The following PHF21B variants were observed in gnomAD, a reference collection of about 807,000 sequenced individuals.
The protein encoded by PHF21B is PHD finger protein 21B.
In PHF21B, 22 loss-of-function variants were observed where a neutral mutation model predicts 62.2. The ratio of observed to expected loss-of-function variants is 0.35; its 90% CI spans 0.25 to 0.51. PHF21B has a LOEUF of 0.51. Ranked by LOEUF, PHF21B falls within the 20% of genes least tolerant of loss-of-function variation. The pLI is 0.97. For missense variants in PHF21B, 701 were observed against 707.9 expected, an observed-to-expected ratio of 0.99 and a Z score of 0.11; for synonymous variants, 341 against 314.7, an observed-to-expected ratio of 1.08 and a Z score of -0.88.
At chr22:44,917,100 G>A (rs371618444) in intron 3 of PHF21B, among the ~76,000 whole-genome samples, 45 of 152,354 alleles carry the variant, frequency 3.0e-4, no homozygotes, top group African/African-American at 1.1e-3. Context: ...GGGGGCTGCT[G>A]CTGCGCTCCC....
intron 2 of PHF21B, among the ~76,000 whole-genome samples, chr22:44,991,682 G>C (rs552275797): frequency 5.3e-4 from 80 of 152,338 alleles, no homozygotes; most frequent in African/African-American, 1.8e-3. Context: ...GGGGGCTCCT[G>C]TGGTGGCCAC....
At chr22:44,976,233 T>C (rs914654597) in intron 2 of PHF21B, among the ~76,000 whole-genome samples, 1 of 152,252 alleles carries the variant, frequency 6.6e-6, no homozygotes, top group Non-Finnish European at 1.5e-5. Flanking sequence ...GTAGGATATT[T>C]TGATGCATGT....
At chr22:44,941,294 G>A (rs1055647917) in intron 2 of PHF21B, among the ~76,000 whole-genome samples, 10 of 152,162 alleles carry the variant, frequency 6.6e-5, no homozygotes, top group Non-Finnish European at 1.0e-4. Context: ...AAGCTACACC[G>A]CGCCATGCCG....
At chr22:44,985,668 T>C (rs931000496) in intron 2 of PHF21B, among the ~76,000 whole-genome samples, 1 of 151,930 alleles carries the variant, frequency 6.6e-6, no homozygotes, top group Non-Finnish European at 1.5e-5. Flanking sequence ...GTGGAGATAA[T>C]ATGGGAGATA....
intron 2 of PHF21B, among the ~76,000 whole-genome samples, chr22:44,946,644 T>G (rs899252229): frequency 5.9e-5 from 9 of 151,710 alleles, no homozygotes; most frequent in Non-Finnish European, 1.2e-4. Flanking sequence ...GATGGATGGG[T>G]GGATGGACGG....
intron 5 of PHF21B, among the ~76,000 whole-genome samples, chr22:44,908,652 C>A (rs1359839872): frequency 2.6e-5 from 4 of 152,202 alleles, no homozygotes; most frequent in Admixed American, 2.6e-4. Context: ...AAAATCCACA[C>A]CCCTACTGGC....
chr22:44,900,854 T>G (rs1016682447), intron 5 of PHF21B, among the ~76,000 whole-genome samples: 1 of 151,634 alleles, frequency 6.6e-6, no homozygotes, highest in Non-Finnish European at 1.5e-5. Flanking sequence ...GTAACTTCAC[T>G]GGGTGTGTCT....
chr22:44,956,083 G>A (rs1028637019), intron 2 of PHF21B, among the ~76,000 whole-genome samples: 2 of 152,234 alleles, frequency 1.3e-5, no homozygotes, highest in Non-Finnish European at 2.9e-5. Flanking sequence ...CGCGAGGAAG[G>A]GGACTGAGCC....
intron 10 of PHF21B, among the ~76,000 whole-genome samples, chr22:44,886,655 C>G (rs888451269): frequency 2.6e-5 from 4 of 151,706 alleles, no homozygotes; most frequent in Non-Finnish European, 5.9e-5. Flanking sequence ...CTCCTGCACT[C>G]TAGCCTGTGA....
chr22:44,902,284 T>C lies in PHF21B; in HGVS notation c.832-6201A>G. 3.1e-5 allele frequency: 8 copies of C among 255,874 alleles called. No individual in the cohort carries two copies. In the South Asian group the frequency reaches 3.1e-4, roughly 10 times the overall value. 15.9% of individuals were successfully genotyped at this position (255,874 alleles called of 1,614,324 possible). The stretch of plus-strand genomic sequence containing the variant: ...ACACACAAACAGAGAAGTACAAGAT[T>C]ACAGGGCAGCGCAAGGTTGATCATC... On this transcript the variant is annotated intron_variant, in intron 5 of 12. Coordinates refer to ENST00000313237, the MANE Select transcript of PHF21B (RefSeq NM_138415.5).
chr22:44,890,404 C>A (rs2070942404), intron 8 of PHF21B, among the ~76,000 whole-genome samples: 1 of 152,206 alleles, frequency 6.6e-6, no homozygotes, highest in East Asian at 1.9e-4. Flanking sequence ...GATCTGTCTG[C>A]AAATAATGCC....
At chr22:44,994,792 C>T (rs914522030) in intron 2 of PHF21B, among the ~76,000 whole-genome samples, 33 of 152,196 alleles carry the variant, frequency 2.2e-4, no homozygotes, top group African/African-American at 7.5e-4. Flanking sequence ...CTGCTGATTA[C>T]GATGAAAGAT....
intron 2 of PHF21B, among the ~76,000 whole-genome samples, chr22:44,977,062 G>A (rs1205619394): frequency 6.6e-6 from 1 of 152,126 alleles, no homozygotes; most frequent in South Asian, 2.1e-4. Context: ...TGAGGCTGCA[G>A]TGAGCTGTGA....
At chr22:44,921,994 C>T (rs1601601782) in intron 2 of PHF21B, among the ~76,000 whole-genome samples, 1 of 152,186 alleles carries the variant, frequency 6.6e-6, no homozygotes, top group East Asian at 1.9e-4. Context: ...CATTCGCACC[C>T]CACGAGCCTG....
chr22:44,954,049 T>C (rs1466953440), intron 2 of PHF21B, among the ~76,000 whole-genome samples: 1 of 152,176 alleles, frequency 6.6e-6, no homozygotes, highest in Non-Finnish European at 1.5e-5. Flanking sequence ...CCCAGTGGGG[T>C]GTGGCCCACC....
chr22:44,936,794 T>C (rs2071856662), intron 2 of PHF21B, among the ~76,000 whole-genome samples: 1 of 152,134 alleles, frequency 6.6e-6, no homozygotes, highest in African/African-American at 2.4e-5. Flanking sequence ...TGGCTCTCAC[T>C]GCGCTTTTAT....
intron 2 of PHF21B, among the ~76,000 whole-genome samples, chr22:44,957,557 C>T (rs1212856209): frequency 5.9e-5 from 9 of 152,150 alleles, no homozygotes; most frequent in South Asian, 2.1e-4. Flanking sequence ...TTTCTTCTAC[C>T]GCTGCTTTTT....
chr22:44,893,773 C>T (rs1467732225), intron 6 of PHF21B, among the ~76,000 whole-genome samples: 1 of 152,234 alleles, frequency 6.6e-6, no homozygotes, highest in Non-Finnish European at 1.5e-5. Flanking sequence ...CTGGCAGGTA[C>T]CCAGAATCCA....
intron 2 of PHF21B, among the ~76,000 whole-genome samples, chr22:44,986,521 C>CA (rs3063310): frequency 0.012 from 1,008 of 85,592 alleles, 6 homozygotes; most frequent in Non-Finnish European, 0.018. Context: ...GATCTTATTT[C>CA]AAAAAAAAAA....
Sources: allele counts gnomAD v4.1 joint callset (sites outside exome capture counted in the v4.1 genomes callset), GRCh38; gene constraint gnomAD v4.1.1; transcripts MANE v1.5; gene names NCBI Gene and HGNC (gene_info 2026-07-23, HGNC 2026-07-21).